The following DLGAP2 variants were observed in gnomAD, a reference collection of about 807,000 sequenced individuals.
DLGAP2 encodes the protein disks large-associated protein 2.
DLGAP2 carries 26 observed loss-of-function variants against 100.3 expected under a neutral mutation model. The observed-to-expected ratio is 0.26, with a 90% confidence interval of 0.19 to 0.36. The LOEUF is 0.36. DLGAP2 is among the 10% of genes least tolerant of loss of function. The pLI, the probability that DLGAP2 is intolerant of heterozygous loss-of-function variation, is 1.00. For missense variants in DLGAP2, 1,858 were observed against 1,453.2 expected (o/e 1.28, Z -4.53); for synonymous variants, 886 against 630.1 (o/e 1.41, Z -6.08).
chr8:1,515,799 C>T (rs1185330258), intron 4 of DLGAP2, among the ~76,000 whole-genome samples: 2 of 152,346 alleles, frequency 1.3e-5, no homozygotes, highest in East Asian at 3.9e-4. Flanking sequence ...ACCTGTCTGC[C>T]CCTCCAGTCT....
intron 1 of DLGAP2, among the ~76,000 whole-genome samples, chr8:860,424 C>T (rs1797366927): frequency 6.6e-6 from 1 of 152,350 alleles, no homozygotes; most frequent in South Asian, 2.1e-4. Context: ...CAAGGCTCTC[C>T]ATTATCCATC....
intron 2 of DLGAP2, among the ~76,000 whole-genome samples, chr8:1,098,126 C>A (rs1043345737): frequency 9.9e-5 from 15 of 152,282 alleles, no homozygotes. Context: ...GGCGGCGCCA[C>A]TGGACACACG....
intron 2 of DLGAP2, among the ~76,000 whole-genome samples, chr8:1,250,042 G>A (rs1332170381): frequency 1.3e-5 from 2 of 152,042 alleles, no homozygotes. Flanking sequence ...TGCCATACCC[G>A]GCTAATTTTT....
At chr8:1,641,758 T>C (rs1042630900) in intron 8 of DLGAP2, among the ~76,000 whole-genome samples, 53 of 152,256 alleles carry the variant, frequency 3.5e-4, no homozygotes, top group African/African-American at 1.2e-3. Context: ...AGAAAAGTAA[T>C]GGCTGAAATA....
chr8:1,036,448 C>T (rs535512449), intron 2 of DLGAP2, among the ~76,000 whole-genome samples: 18 of 152,306 alleles, frequency 1.2e-4, no homozygotes, highest in Non-Finnish European at 1.3e-4. Flanking sequence ...GGACCCTACA[C>T]GGGGTGTGGG....
chr8:1,024,786 G>A (rs1445014719), intron 2 of DLGAP2, among the ~76,000 whole-genome samples: 2 of 152,204 alleles, frequency 1.3e-5, no homozygotes, highest in Admixed American at 1.3e-4. Context: ...GGAGCCTCCT[G>A]TGGGACACGC....
chr8:930,651 G>A (rs938230476), intron 2 of DLGAP2, among the ~76,000 whole-genome samples: 6 of 152,034 alleles, frequency 3.9e-5, no homozygotes, highest in African/African-American at 1.5e-4. Flanking sequence ...GTGGGACACA[G>A]GCTGTGGGCC....
chr8:809,334 A>G (rs537965512), intron 1 of DLGAP2, among the ~76,000 whole-genome samples: 17 of 152,288 alleles, frequency 1.1e-4, no homozygotes, highest in African/African-American at 3.8e-4. Context: ...CTTTCTCACT[A>G]TTTGAAACTT....
At chr8:1,357,372 C>G (rs1020667908) in intron 3 of DLGAP2, among the ~76,000 whole-genome samples, 1 of 151,756 alleles carries the variant, frequency 6.6e-6, no homozygotes, top group African/African-American at 2.4e-5. Context: ...AGATACAACC[C>G]CTTCCTGATG....
chr8:1,536,442 C>T (rs1361282015), intron 4 of DLGAP2, among the ~76,000 whole-genome samples: 3 of 152,172 alleles, frequency 2.0e-5, no homozygotes, highest in Non-Finnish European at 4.4e-5. Flanking sequence ...ATTAGCCATA[C>T]AGAGGCAGGT....
In DLGAP2 at chr8:1,039,554, G is replaced by A. The variant is rs1290315879; in HGVS notation, c.73+131588G>A. Among the ~76,000 whole-genome samples the A allele has an allele frequency of 9.2e-5, 10 of 109,056 alleles. No homozygotes were observed. In the South Asian group the frequency reaches 1.1e-3, roughly 12 times the overall value. 71.5% of individuals were successfully genotyped at this position (109,056 alleles called of 152,430 possible). ...GGTGTGCGTGGTCAGCTTGGTGTGC[G>A]TGGTCAGCTTGGTGTGCGTGGTCAG... On this transcript the variant is annotated intron_variant, in intron 2 of 14. Coordinates refer to ENST00000637795, the MANE Select transcript of DLGAP2 (RefSeq NM_001346810.2).
chr8:1,233,155 AT>A (rs1444447237), intron 2 of DLGAP2, among the ~76,000 whole-genome samples: 1 of 152,106 alleles, frequency 6.6e-6, no homozygotes, highest in Admixed American at 6.6e-5. Context: ...ATGACATTCC[AT>A]TGTTTGGATA....
intron 2 of DLGAP2, among the ~76,000 whole-genome samples, chr8:1,027,369 C>T (rs1211551851): frequency 6.6e-6 from 1 of 150,386 alleles, no homozygotes; most frequent in African/African-American, 2.5e-5. Flanking sequence ...CCGTTATTCT[C>T]CAGGTGGGGT....
intron 4 of DLGAP2, among the ~76,000 whole-genome samples, chr8:1,506,294 T>C (rs551493304): frequency 1.2e-4 from 19 of 152,358 alleles, no homozygotes; most frequent in African/African-American, 4.3e-4. Flanking sequence ...ATACTTATTT[T>C]CTTCAGGGAA....
intron 4 of DLGAP2, among the ~76,000 whole-genome samples, chr8:1,530,694 C>G (rs1193690696): frequency 1.3e-5 from 2 of 152,212 alleles, no homozygotes; most frequent in Non-Finnish European, 2.9e-5. Flanking sequence ...ATTTGGGGAA[C>G]TAATAAATGT....
intron 14 of DLGAP2, among the ~76,000 whole-genome samples, chr8:1,700,072 TG>T (rs1221997189): frequency 2.0e-4 from 31 of 152,338 alleles, no homozygotes; most frequent in African/African-American, 7.2e-4. Flanking sequence ...TCATTGCTTC[TG>T]GCCTAGTCAC....
intron 3 of DLGAP2, among the ~76,000 whole-genome samples, chr8:1,334,858 C>G (rs780020262): frequency 1.3e-5 from 2 of 152,134 alleles, no homozygotes; most frequent in South Asian, 2.1e-4. Context: ...GCTGTCTTGC[C>G]TCTCTCGCCT....
chr8:1,554,901 G>A (rs914476913), intron 5 of DLGAP2, among the ~76,000 whole-genome samples: 1 of 152,130 alleles, frequency 6.6e-6, no homozygotes, highest in Admixed American at 6.5e-5. Context: ...AAACTTCTCT[G>A]TATTTGTAGT....
intron 2 of DLGAP2, among the ~76,000 whole-genome samples, chr8:1,178,981 CT>C (rs77420032): frequency 0.19 from 28,528 of 152,212 alleles, 2,844 homozygotes; most frequent in Middle Eastern, 0.34. Context: ...AGTTCACCAG[CT>C]TTAGGTCCCT....
Sources: allele counts gnomAD v4.1 joint callset (sites outside exome capture counted in the v4.1 genomes callset), GRCh38; gene constraint gnomAD v4.1.1; transcripts MANE v1.5; gene names NCBI Gene and HGNC (gene_info 2026-07-23, HGNC 2026-07-21).